The following POMP variants were observed in gnomAD, a reference collection of about 807,000 sequenced individuals.
POMP encodes the protein proteasome maturation protein, also known as 2510048O06Rik.
In POMP, 12 loss-of-function variants were observed where a neutral mutation model predicts 20.6. The ratio of observed to expected loss-of-function variants is 0.58; its 90% confidence interval spans 0.37 to 0.94. The LOEUF is 0.94. Ranked by LOEUF, POMP falls within the 40% of genes least tolerant of loss-of-function variation. The probability of loss-of-function intolerance (pLI) is 0.01; values close to 1 mark genes in which losing one functional copy is unlikely to be tolerated. For synonymous variants in POMP, 53 were observed against 55.0 expected, an observed-to-expected ratio of 0.96 and a Z score of 0.16; for missense variants, 136 against 161.1, an observed-to-expected ratio of 0.84 and a Z score of 0.84.
chr13:28,675,784 G>A (rs1262206689), intron 5 of POMP, among the ~76,000 whole-genome samples: 1 of 152,138 alleles, frequency 6.6e-6, no homozygotes, highest in African/African-American at 2.4e-5. Context: ...TTCTGGTAAG[G>A]GCCTCAGGAA....
chr13:28,676,911 C>T (rs1185082650), intron 5 of POMP, among the ~76,000 whole-genome samples: 2 of 152,180 alleles, frequency 1.3e-5, no homozygotes, highest in African/African-American at 4.8e-5. Context: ...AAACCCGTCT[C>T]CACCAGTGCC....
At chr13:28,663,696 G>A (rs1884389344) in intron 2 of POMP, among the ~76,000 whole-genome samples, 2 of 152,120 alleles carry the variant, frequency 1.3e-5, no homozygotes, top group South Asian at 4.1e-4. Context: ...TTTCAGTTTT[G>A]TAGTAAAAAA....
chr13:28,664,450 T>C (rs1884403202), intron 2 of POMP, 59 bp from the exon 3 acceptor site: 6 of 1,165,538 alleles, frequency 5.1e-6, no homozygotes, highest in Non-Finnish European at 7.6e-6. Context: ...GATTTTGAGC[T>C]CTGGGTATTG....
intron 5 of POMP, 98 bp downstream of exon 5, chr13:28,672,530 C>G (rs1017077252): frequency 3.4e-6 from 3 of 880,700 alleles, no homozygotes; most frequent in Admixed American, 1.7e-5. Flanking sequence ...ATGGAACTTA[C>G]AGCTGATTGG....
intron 2 of POMP, among the ~76,000 whole-genome samples, chr13:28,663,066 C>G (rs1884376517): frequency 6.6e-6 from 1 of 152,132 alleles, no homozygotes; most frequent in South Asian, 2.1e-4. Flanking sequence ...ACATTAGAAG[C>G]ACTCAGTATG....
intron 1 of POMP, 85 bp downstream of exon 1, chr13:28,659,272 C>A: frequency 6.5e-7 from 1 of 1,542,016 alleles, no homozygotes. Context: ...CCCAACCCGT[C>A]CCCGGTGGCG....
At chr13:28,664,044 A>G (rs1026152320) in intron 2 of POMP, among the ~76,000 whole-genome samples, 9 of 152,204 alleles carry the variant, frequency 5.9e-5, no homozygotes, top group Non-Finnish European at 7.3e-5. Flanking sequence ...TACTTTATAC[A>G]TAGTAGGTGT....
intron 1 of POMP, among the ~76,000 whole-genome samples, chr13:28,660,156 AAGG>A (rs567744074): frequency 7.9e-5 from 12 of 152,232 alleles, no homozygotes; most frequent in Non-Finnish European, 1.5e-5. Flanking sequence ...AGCAGTCCAG[AAGG>A]AGGAGAATGT....
chr13:28,666,510 A>G (rs926985619), intron 3 of POMP, among the ~76,000 whole-genome samples: 1 of 151,266 alleles, frequency 6.6e-6, no homozygotes, highest in African/African-American at 2.5e-5. Flanking sequence ...ACTTACATAC[A>G]TCTACTGCAT....
At chr13:28,669,353 T>C (rs1884502630) in intron 4 of POMP, among the ~76,000 whole-genome samples, 1 of 152,150 alleles carries the variant, frequency 6.6e-6, no homozygotes, top group African/African-American at 2.4e-5. Context: ...TTCTTCCTTT[T>C]TCCCTTGGCT....
intron 1 of POMP, 77 bp downstream of exon 1, chr13:28,659,264 C>T (rs556815417): frequency 1.9e-6 from 3 of 1,547,386 alleles, no homozygotes; most frequent in Non-Finnish European, 2.6e-6. Context: ...AGTCGCCTCC[C>T]AACCCGTCCC....
rs1884656704 is a variant in POMP at position 28,677,964 on chromosome 13, T to C, written c.359-71T>C. On this transcript the variant is annotated intron_variant, in intron 5 of 5. Transcript: ENST00000380842. ...TAGTTTTGACTCTTCTGGATTCTTA[T>C]GTAAGCAGAATCATTGAATGTATCT... 1.9e-5 allele frequency: 28 copies of C among 1,467,490 alleles called. No individual in the cohort carries two copies. The South Asian group carries it at 2.0e-4, about 11-fold the overall frequency. The allele number at this position is 1,467,490 out of a possible 1,614,324, so 90.9% of individuals were successfully genotyped here. A position where few individuals can be genotyped will look rare whatever the true frequency, so the allele number is the denominator to read the frequency against.
Position 28,664,485 on chromosome 13 carries a change from GTT to G in POMP, c.102-15_102-14del. ...GAGTGATATTTAATCTCCTCTAAATGTTTTTTTTTTAATGTCCTTTCAGTTTT... is the reference window on the plus strand; with the variant it reads ...GAGTGATATTTAATCTCCTCTAAATGTTTTTTTTAATGTCCTTTCAGTTTT... On this transcript the variant is annotated intron_variant, in intron 2 of 5. Transcript: ENST00000380842. The G allele has an allele frequency of 2.4e-6, 3 of 1,257,480 alleles. No homozygotes were observed. Among genetic ancestry groups the G allele is most frequent in the Non-Finnish European group, 3.3e-6 (3 of 901,572 alleles). 77.9% of individuals were successfully genotyped at this position (1,257,480 alleles called of 1,614,324 possible).
At chr13:28,661,050 C>T (rs1267749733) in intron 1 of POMP, among the ~76,000 whole-genome samples, 1 of 152,182 alleles carries the variant, frequency 6.6e-6, no homozygotes, top group Admixed American at 6.5e-5. Flanking sequence ...AAAAAGCTGA[C>T]TTCTCAGAAT....
intron 5 of POMP, among the ~76,000 whole-genome samples, chr13:28,676,468 C>T (rs796741209): frequency 7.9e-5 from 12 of 152,250 alleles, no homozygotes; most frequent in African/African-American, 2.4e-4. Context: ...CTTAAATATA[C>T]GTGTCAGGAG....
intron 5 of POMP, among the ~76,000 whole-genome samples, chr13:28,675,804 C>T (rs1035752984): frequency 3.9e-5 from 6 of 152,068 alleles, no homozygotes; most frequent in African/African-American, 1.2e-4. Flanking sequence ...AGCTTACAAT[C>T]GTGGCAGAAG....
At chr13:28,670,730 C>T (rs1884531948) in intron 4 of POMP, among the ~76,000 whole-genome samples, 1 of 152,196 alleles carries the variant, frequency 6.6e-6, no homozygotes, top group African/African-American at 2.4e-5. Context: ...CTTTCTCTGA[C>T]CTAGCTAAAT....
Position 28,659,150 on chromosome 13 carries a change from A to C in POMP, c.-35A>C, listed in dbSNP as rs1566105458. 1.3e-6 allele frequency: 2 copies of C among 1,578,160 alleles called. No homozygotes were observed. The highest frequency in any genetic ancestry group is 1.7e-6 in the Non-Finnish European group (2 of 1,162,774). On this transcript the variant is annotated 5_prime_UTR_variant, in exon 1 of 6. Coordinates refer to ENST00000380842, the MANE Select transcript of POMP (RefSeq NM_015932.6). ...TGAGCGGCGGGGTCGACTGACGGTA[A>C]CGGGGCAGAGAGGCTGTTCGCAGAG...
chr13:28,661,471 G>GTAAATAAA (rs148002317), intron 1 of POMP, among the ~76,000 whole-genome samples: 6,711 of 152,144 alleles, frequency 0.044, 494 homozygotes, highest in African/African-American at 0.15. Flanking sequence ...ATCTCAAAAA[G>GTAAATAAA]TAAATAAATA....
Sources: gnomAD v4.1 joint callset for allele counts (sites outside exome capture counted in the v4.1 genomes callset) on GRCh38, gnomAD v4.1.1 for gene constraint, MANE v1.5 for transcripts, NCBI Gene and HGNC (gene_info 2026-07-23, HGNC 2026-07-21) for gene names.